Variants in FGGY observed in about 807,000 individuals in gnomAD.
The protein encoded by FGGY is FGGY carbohydrate kinase domain-containing protein.
In FGGY, 72 loss-of-function variants were observed where a neutral mutation model predicts 71.3. The observed-to-expected ratio is 1.01, with a 90% confidence interval of 0.84 to 1.23. The LOEUF (loss-of-function observed/expected upper bound fraction) is 1.23. Among genes scored for constraint, FGGY ranks in the 50% most tolerant of loss-of-function variants. FGGY has a pLI of 0.00. For missense variants in FGGY, 668 were observed against 682.3 expected, an observed-to-expected ratio of 0.98 and a Z score of 0.23; for synonymous variants, 251 against 250.3, an observed-to-expected ratio of 1.00 and a Z score of -0.02.
At chr1:59,467,148 A>T (rs907757400) in intron 6 of FGGY, among the ~76,000 whole-genome samples, 4 of 152,196 alleles carry the variant, frequency 2.6e-5, no homozygotes, top group African/African-American at 9.7e-5. Context: ...TAACAGATAG[A>T]CACCATGGAA....
Position 59,571,027 on chromosome 1 carries a change from A to G in FGGY, c.903+16800A>G, listed in dbSNP as rs187711059. On this transcript the variant is annotated intron_variant, in intron 8 of 15. Coordinates refer to ENST00000303721, the MANE Select transcript of FGGY (RefSeq NM_018291.5). ...TTTAATCCATATACATTCAAAAAGC[A>G]CTTGTCATGGACAGCCGTCTTTCAT... is the stretch of plus-strand genomic sequence containing the variant. 1.1e-3 allele frequency among the ~76,000 whole-genome samples: 160 copies of G among 152,272 alleles called. 2 individuals are homozygous for G. Among genetic ancestry groups the G allele is most frequent in the African/African-American group, 3.7e-3 (153 of 41,556 alleles).
chr1:59,687,257 C>G (rs1054174324), intron 14 of FGGY, among the ~76,000 whole-genome samples: 1 of 152,118 alleles, frequency 6.6e-6, no homozygotes, highest in African/African-American at 2.4e-5. Context: ...ATTCCAGCTC[C>G]CAGCCTCTCT....
chr1:59,354,587 G>C (rs999093475), intron 4 of FGGY, among the ~76,000 whole-genome samples: 1 of 152,154 alleles, frequency 6.6e-6, no homozygotes, highest in Non-Finnish European at 1.5e-5. Flanking sequence ...AAATTTGTGG[G>C]TGATGGCTTC....
At chr1:59,504,289 C>T (rs2094319608) in intron 6 of FGGY, among the ~76,000 whole-genome samples, 2 of 152,292 alleles carry the variant, frequency 1.3e-5, no homozygotes, top group South Asian at 4.1e-4. Flanking sequence ...ACGTGTTTCC[C>T]TGAGTTATGT....
At chr1:59,438,858 AGTTT>A (rs1321715584) in intron 5 of FGGY, among the ~76,000 whole-genome samples, 2 of 152,172 alleles carry the variant, frequency 1.3e-5, no homozygotes, top group African/African-American at 4.8e-5. Context: ...ACAACTTCCA[AGTTT>A]TCTTATTTCC....
intron 6 of FGGY, among the ~76,000 whole-genome samples, chr1:59,481,407 T>G (rs1480306267): frequency 6.6e-6 from 1 of 152,206 alleles, no homozygotes; most frequent in African/African-American, 2.4e-5. Flanking sequence ...GGGTCTCATC[T>G]TCTCCCAGTG....
intron 4 of FGGY, among the ~76,000 whole-genome samples, chr1:59,368,300 C>G (rs1386978478): frequency 6.6e-6 from 1 of 152,164 alleles, no homozygotes; most frequent in Admixed American, 6.5e-5. Context: ...TTTTGTTTGT[C>G]TTTTCTTCTG....
chr1:59,743,297 T>A (rs1176421387), intron 14 of FGGY, among the ~76,000 whole-genome samples: 7 of 152,200 alleles, frequency 4.6e-5, no homozygotes, highest in Admixed American at 3.9e-4. Flanking sequence ...GTTTCCATAG[T>A]AGTTTTGTCT....
intron 1 of FGGY, among the ~76,000 whole-genome samples, chr1:59,304,786 T>C (rs2043209885): frequency 6.6e-6 from 1 of 152,122 alleles, no homozygotes; most frequent in African/African-American, 2.4e-5. Context: ...TTTCACCTCC[T>C]TGGTAAATTT....
At chr1:59,725,475 A>G (rs932419110) in intron 14 of FGGY, among the ~76,000 whole-genome samples, 4 of 151,872 alleles carry the variant, frequency 2.6e-5, no homozygotes, top group African/African-American at 7.3e-5. Flanking sequence ...CTTTCCATAT[A>G]AATTTTAGAA....
rs139622768 is a variant in FGGY, at chr1:59,641,743, C to T, written c.1221+3368C>T. Among the ~76,000 whole-genome samples the T allele has an allele frequency of 8.9e-4, 136 of 152,268 alleles. 1 individual carries two copies. Among genetic ancestry groups the T allele is most frequent in the African/African-American group, 3.2e-3 (131 of 41,546 alleles). ...TTAGGATGGTGTTCAACTAGGAAAA[C>T]TAGAATTGGTATTCCCAATTATATG... On this transcript the variant is annotated intron_variant, in intron 11 of 15. Coordinates refer to ENST00000303721, the MANE Select transcript of FGGY (RefSeq NM_018291.5).
intron 6 of FGGY, among the ~76,000 whole-genome samples, chr1:59,477,629 C>T (rs1474700248): frequency 1.3e-5 from 2 of 152,208 alleles, no homozygotes; most frequent in African/African-American, 4.8e-5. Context: ...TTAAAAATTC[C>T]GTTAAATTTT....
At chr1:59,634,665 A>G (rs972014275) in intron 10 of FGGY, among the ~76,000 whole-genome samples, 5 of 150,532 alleles carry the variant, frequency 3.3e-5, no homozygotes, top group African/African-American at 9.8e-5. Context: ...AATAGGTCCG[A>G]AAAAAAAAAT....
intron 14 of FGGY, among the ~76,000 whole-genome samples, chr1:59,698,203 C>T (rs1248189618): frequency 6.6e-6 from 1 of 152,150 alleles, no homozygotes; most frequent in African/African-American, 2.4e-5. Flanking sequence ...TAGGGAACCT[C>T]ATGTCATTTG....
intron 9 of FGGY, among the ~76,000 whole-genome samples, chr1:59,611,036 C>T (rs545960629): frequency 1.1e-4 from 17 of 152,340 alleles, no homozygotes; most frequent in African/African-American, 3.8e-4. Context: ...GGGTGGAGCC[C>T]ACCTCAGCTC....
intron 11 of FGGY, among the ~76,000 whole-genome samples, chr1:59,652,802 G>C (rs1381607969): frequency 3.9e-5 from 6 of 152,166 alleles, no homozygotes; most frequent in Middle Eastern, 3.2e-3. Flanking sequence ...GTGAGGAACT[G>C]CGTTCCTTTG....
chr1:59,665,669 A>G (rs766061270), intron 12 of FGGY, among the ~76,000 whole-genome samples: 1 of 148,640 alleles, frequency 6.7e-6, no homozygotes, highest in Non-Finnish European at 1.5e-5. Flanking sequence ...TGACTTCCAA[A>G]ACCCTGTTCC....
intron 8 of FGGY, among the ~76,000 whole-genome samples, chr1:59,600,541 G>A (rs555342763): frequency 6.6e-6 from 1 of 152,324 alleles, no homozygotes; most frequent in African/African-American, 2.4e-5. Flanking sequence ...CTACCAAAGA[G>A]ACGAAGCTAA....
At chr1:59,666,201 C>T (rs2097324189) in intron 12 of FGGY, among the ~76,000 whole-genome samples, 1 of 150,342 alleles carries the variant, frequency 6.7e-6, no homozygotes, top group Non-Finnish European at 1.5e-5. Flanking sequence ...TCTCTTCCCT[C>T]CTTTTTAGCA....
Sources: gnomAD v4.1 joint callset for allele counts (sites outside exome capture counted in the v4.1 genomes callset) on GRCh38, gnomAD v4.1.1 for gene constraint, MANE v1.5 for transcripts, NCBI Gene and HGNC (gene_info 2026-07-23, HGNC 2026-07-21) for gene names.